The following PEBP4 variants were observed in gnomAD, a reference collection of about 807,000 sequenced individuals.
PEBP4 encodes phosphatidylethanolamine-binding protein 4.
Under a neutral mutation model 23.9 loss-of-function variants are expected in PEBP4, and 22 were observed. The ratio of observed to expected loss-of-function variants is 0.92; its 90% CI spans 0.66 to 1.31. The LOEUF is 1.31. PEBP4 is among the 40% of genes most tolerant of loss of function. PEBP4 has a pLI of 0.00. For synonymous variants in PEBP4, 112 were observed against 99.3 expected (o/e 1.13, Z -0.76); for missense variants, 324 against 281.7 (o/e 1.15, Z -1.07).
intron 4 of PEBP4, among the ~76,000 whole-genome samples, chr8:22,766,664 G>A (rs367675163): frequency 6.6e-5 from 10 of 152,322 alleles, no homozygotes; most frequent in East Asian, 5.8e-4. Flanking sequence ...GCATGCTGGC[G>A]TATCAGGGGC....
At chr8:22,752,772 T>C (rs1193760053) in intron 4 of PEBP4, among the ~76,000 whole-genome samples, 1 of 152,222 alleles carries the variant, frequency 6.6e-6, no homozygotes, top group East Asian at 1.9e-4. Flanking sequence ...TTCCAGAATT[T>C]GCATAAACTC....
chr8:22,827,431 T>C (rs1370387473), intron 3 of PEBP4, among the ~76,000 whole-genome samples: 1 of 152,338 alleles, frequency 6.6e-6, no homozygotes, highest in East Asian at 1.9e-4. Flanking sequence ...ATGAATCTAC[T>C]TTCTGTCTCT....
chr8:22,902,187 G>T (rs1808725716), intron 3 of PEBP4, among the ~76,000 whole-genome samples: 1 of 152,018 alleles, frequency 6.6e-6, no homozygotes, highest in Non-Finnish European at 1.5e-5. Flanking sequence ...AAATTAGCCG[G>T]GCTTGGTGGT....
At chr8:22,827,616 A>T (rs1806999218) in intron 3 of PEBP4, among the ~76,000 whole-genome samples, 1 of 152,200 alleles carries the variant, frequency 6.6e-6, no homozygotes. Flanking sequence ...GTATGGATAG[A>T]GACCACATTT....
At position 22,713,536 on chromosome 8, in the gene PEBP4, C is replaced by A. The variant is rs200301857; in HGVS notation, c.518G>T (p.Gly173Val). ...SLLPKENKTR[G>V]SWKMDRFLNR... ...CAGAAATCTGTCCATTTTCCAAGAG[C>A]CTGGAAGGACAAACAGACCACAGGG... The change falls in exon 7 of 7, where the codon GGC becomes GTC. Residue 173 changes from glycine (G) to valine (V), a missense_variant and splice_region_variant. Transcript: ENST00000256404. 1.2e-5 allele frequency: 19 copies of A among 1,614,010 alleles called. No individual in the cohort carries two copies. The African/African-American group carries it at 2.5e-4, about 22-fold the overall frequency.
At chr8:22,725,560 T>A (rs1037378411) in intron 5 of PEBP4, among the ~76,000 whole-genome samples, 4 of 152,094 alleles carry the variant, frequency 2.6e-5, no homozygotes, top group Non-Finnish European at 5.9e-5. Flanking sequence ...TGAGCTCTTT[T>A]TTTGGGGCGG....
At chr8:22,750,063 C>T (rs4872546) in intron 4 of PEBP4, among the ~76,000 whole-genome samples, 14,687 of 152,092 alleles carry the variant, frequency 0.097, 998 homozygotes, top group South Asian at 0.19. Flanking sequence ...GCCTCGGCCT[C>T]CCAAAGTGCT....
intron 4 of PEBP4, among the ~76,000 whole-genome samples, chr8:22,767,903 T>C (rs1805641558): frequency 6.6e-6 from 1 of 152,070 alleles, no homozygotes; most frequent in African/African-American, 2.4e-5. Context: ...TATGCCCAGC[T>C]AATTTTTGTA....
chr8:22,889,741 C>T (rs1316477685), intron 3 of PEBP4, among the ~76,000 whole-genome samples: 3 of 152,170 alleles, frequency 2.0e-5, no homozygotes, highest in African/African-American at 4.8e-5. Context: ...AAGTTCCTAT[C>T]GATTTGAACT....
intron 2 of PEBP4, 48 bp from the exon 3 acceptor site, chr8:22,920,358 C>T (rs781069334): frequency 6.3e-7 from 1 of 1,579,672 alleles, no homozygotes; most frequent in South Asian, 1.1e-5. Flanking sequence ...TTTAAGGGAG[C>T]CTGGGGTTCC....
chr8:22,774,089 T>C (rs1490017711), intron 4 of PEBP4, among the ~76,000 whole-genome samples: 4 of 152,070 alleles, frequency 2.6e-5, no homozygotes, highest in Middle Eastern at 3.4e-3. Flanking sequence ...AGCTGTGAGG[T>C]TCAAACCAGG....
Position 22,806,301 on chromosome 8 carries a change from T to C in PEBP4, c.357+11336A>G, listed in dbSNP as rs183418981. On this transcript the variant is annotated intron_variant, in intron 4 of 6. Transcript: ENST00000256404. ...CTTGAAACTTTGACCTAAAATTTGGTGAGCATGCTATCCATAAAGATACTG... is the reference window on the plus strand; with the variant it reads ...CTTGAAACTTTGACCTAAAATTTGGCGAGCATGCTATCCATAAAGATACTG... Among the ~76,000 whole-genome samples the C allele has an allele frequency of 7.4e-4, 112 of 152,304 alleles. 3 individuals are homozygous for C. Among genetic ancestry groups the C allele is most frequent in the Admixed American group, 7.2e-4 (11 of 15,290 alleles).
chr8:22,721,791 T>C (rs1412874569), intron 6 of PEBP4, among the ~76,000 whole-genome samples: 1 of 152,160 alleles, frequency 6.6e-6, no homozygotes, highest in Non-Finnish European at 1.5e-5. Context: ...GGACCTGTGT[T>C]CATTGGCAGG....
chr8:22,826,609 T>C (rs1464134005), intron 3 of PEBP4, among the ~76,000 whole-genome samples: 2 of 152,198 alleles, frequency 1.3e-5, no homozygotes, highest in African/African-American at 2.4e-5. Flanking sequence ...AGATCTGATA[T>C]GAAAAGCTCT....
At chr8:22,918,928 T>C (rs201772139) in intron 3 of PEBP4, among the ~76,000 whole-genome samples, 4 of 100,318 alleles carry the variant, frequency 4.0e-5, no homozygotes, top group Admixed American at 9.9e-5. Context: ...AGTGTGTGTG[T>C]GCACATGTGC....
chr8:22,742,777 T>C (rs1182806553), intron 4 of PEBP4, among the ~76,000 whole-genome samples: 3 of 152,142 alleles, frequency 2.0e-5, no homozygotes, highest in Non-Finnish European at 4.4e-5. Context: ...GTCCCCTTTT[T>C]CCACCCCGGT....
chr8:22,767,605 C>T (rs551012235), intron 4 of PEBP4, among the ~76,000 whole-genome samples: 70 of 151,120 alleles, frequency 4.6e-4, no homozygotes, highest in East Asian at 5.9e-4. Context: ...CTCACCTTGC[C>T]GGGGGTATAT....
At chr8:22,915,896 C>T (rs1809062346) in intron 3 of PEBP4, among the ~76,000 whole-genome samples, 1 of 152,178 alleles carries the variant, frequency 6.6e-6, no homozygotes, top group Non-Finnish European at 1.5e-5. Context: ...CCTGTGAGTT[C>T]CGAGCTCTCT....
intron 3 of PEBP4, among the ~76,000 whole-genome samples, chr8:22,845,917 C>T (rs528390226): frequency 6.6e-6 from 1 of 152,228 alleles, no homozygotes; most frequent in Non-Finnish European, 1.5e-5. Flanking sequence ...GCGTGGTCAG[C>T]CAGGCCCTGG....
Sources: gnomAD v4.1 joint callset for allele counts (sites outside exome capture counted in the v4.1 genomes callset) on GRCh38, gnomAD v4.1.1 for gene constraint, MANE v1.5 for transcripts, NCBI Gene and HGNC (gene_info 2026-07-23, HGNC 2026-07-21) for gene names.